Variants in DSCAML1 observed in about 807,000 individuals in gnomAD.
DSCAML1 encodes DS cell adhesion molecule like 1, also known as cell adhesion molecule DSCAML1.
A neutral mutation model predicts 200.5 loss-of-function variants in DSCAML1; 38 were observed. That is an observed-to-expected ratio of 0.19 (90% CI 0.15 to 0.25). DSCAML1 has a LOEUF of 0.25. Ranked by LOEUF, DSCAML1 falls within the 10% of genes least tolerant of loss-of-function variation. DSCAML1 has a pLI of 1.00. For missense variants in DSCAML1, 2,223 were observed against 2,858.8 expected, an observed-to-expected ratio of 0.78 and a Z score of 5.07; for synonymous variants, 1,215 against 1,165.0, an observed-to-expected ratio of 1.04 and a Z score of -0.87.
chr11:117,552,447 C>T (rs1256487156), intron 3 of DSCAML1, among the ~76,000 whole-genome samples: 6 of 152,066 alleles, frequency 3.9e-5, no homozygotes, highest in Non-Finnish European at 5.9e-5. Context: ...CCCCTGCCCC[C>T]GAGATGAGCA....
At chr11:117,700,165 C>T (rs548978759) in intron 3 of DSCAML1, among the ~76,000 whole-genome samples, 75 of 152,154 alleles carry the variant, frequency 4.9e-4, no homozygotes, top group Non-Finnish European at 9.0e-4. Flanking sequence ...TGGCGACTGC[C>T]CAGTAGATGT....
intron 3 of DSCAML1, among the ~76,000 whole-genome samples, chr11:117,646,587 A>G (rs1565848502): frequency 6.6e-6 from 1 of 152,182 alleles, no homozygotes; most frequent in Non-Finnish European, 1.5e-5. Context: ...TAACAGATTA[A>G]TGAGTGTGTG....
intron 3 of DSCAML1, among the ~76,000 whole-genome samples, chr11:117,757,573 TACACACACAC>T (rs5795104): frequency 0.53 from 77,737 of 146,686 alleles, 22,490 homozygotes; most frequent in East Asian, 0.73. Context: ...TAGGAGCCTA[TACACACACAC>T]ACACACACAC....
At chr11:117,539,760 T>G (rs1352061291) in intron 3 of DSCAML1, among the ~76,000 whole-genome samples, 1 of 152,138 alleles carries the variant, frequency 6.6e-6, no homozygotes, top group Non-Finnish European at 1.5e-5. Context: ...TACGATCCAG[T>G]GATTCTACTT....
chr11:117,484,885 CAGTGTGTGTGTGTG>C (rs1170401849), intron 11 of DSCAML1, among the ~76,000 whole-genome samples: 2 of 107,786 alleles, frequency 1.9e-5, no homozygotes, highest in African/African-American at 3.5e-5. Context: ...AGCAGAGGAA[CAGTGTGTGTGTGTG>C]TGTGTGTGTG....
chr11:117,518,594 A>G lies in DSCAML1; in HGVS notation c.1382T>C (p.Met461Thr), dbSNP rs1592690702. 4 of 1,614,008 alleles carry G rather than the reference A, an allele frequency of 2.5e-6. No individual in the cohort carries two copies. The highest frequency in any genetic ancestry group is 2.7e-5 in the African/African-American group (2 of 75,052). ...GTGGCTGATGGTGGTGCCGTCCGAC[A>G]TGGTGTACTGGTTGGTGCGGTGGCT... ...DGSHRTNQYT[M>T]SDGTTISHMN... Residue 461 changes from methionine to threonine, a missense_variant, in exon 7 of 33, where the codon ATG becomes ACG. This residue lies in a region of DSCAML1 where 579 missense variants were observed against 721.5 expected (regional missense o/e 0.80). Transcript: ENST00000651296. The surrounding 1 kb of genome is among the most constrained non-coding windows in gnomAD (Gnocchi z 6.3).
At chr11:117,551,698 A>AG (rs1472612604) in intron 3 of DSCAML1, among the ~76,000 whole-genome samples, 2 of 152,104 alleles carry the variant, frequency 1.3e-5, no homozygotes, top group Admixed American at 6.5e-5. Context: ...AGTTGGGGAA[A>AG]GGGGGTCTGG....
At chr11:117,521,531 A>G in intron 5 of DSCAML1, 126 bp from the exon 6 acceptor site, 1 of 969,684 alleles carries the variant, frequency 1.0e-6, no homozygotes, top group Non-Finnish European at 1.5e-6. Flanking sequence ...CTGCCTCCAG[A>G]CCCCTTGTGT....
At chr11:117,433,086 C>A (rs2047835821) in intron 29 of DSCAML1, 52 bp downstream of exon 29, 2 of 1,524,424 alleles carry the variant, frequency 1.3e-6, no homozygotes, top group Admixed American at 3.4e-5. Context: ...TGGGTTGTAG[C>A]CTGGGGAAGC....
At chr11:117,658,071 C>T (rs1445207322) in intron 3 of DSCAML1, among the ~76,000 whole-genome samples, 1 of 152,124 alleles carries the variant, frequency 6.6e-6, no homozygotes, top group Admixed American at 6.5e-5. Flanking sequence ...AATGGCTTTT[C>T]CACCGTGCAA....
chr11:117,580,821 C>A (rs684973), intron 3 of DSCAML1, among the ~76,000 whole-genome samples: 10 of 151,956 alleles, frequency 6.6e-5, no homozygotes, highest in African/African-American at 2.4e-4. Flanking sequence ...AAGCACCTAG[C>A]TAAGTGCTGA....
chr11:117,443,650 C>T (rs777490325), intron 21 of DSCAML1, among the ~76,000 whole-genome samples: 14 of 152,316 alleles, frequency 9.2e-5, no homozygotes, highest in Admixed American at 4.6e-4. Flanking sequence ...CTGAGTGCAC[C>T]CTGTCCACCC....
intron 3 of DSCAML1, among the ~76,000 whole-genome samples, chr11:117,556,352 T>C (rs2137403336): frequency 6.6e-6 from 1 of 152,208 alleles, no homozygotes; most frequent in South Asian, 2.1e-4. Context: ...CTCTAGCTCA[T>C]CTGATGGGCC....
At chr11:117,697,585 T>G (rs993347179) in intron 3 of DSCAML1, among the ~76,000 whole-genome samples, 10 of 152,096 alleles carry the variant, frequency 6.6e-5, no homozygotes, top group Admixed American at 6.5e-4. Context: ...CATTAAACAC[T>G]AACCCCCCAT....
At chr11:117,541,247 ACT>A (rs1311866924) in intron 3 of DSCAML1, among the ~76,000 whole-genome samples, 3 of 151,974 alleles carry the variant, frequency 2.0e-5, no homozygotes, top group African/African-American at 4.8e-5. Flanking sequence ...TTGTCTGACC[ACT>A]CTCTAAAAAT....
At chr11:117,527,783 G>A (rs2050004018) in intron 4 of DSCAML1, among the ~76,000 whole-genome samples, 1 of 152,206 alleles carries the variant, frequency 6.6e-6, no homozygotes, top group African/African-American at 2.4e-5. Flanking sequence ...CAATTGCCCT[G>A]GAGAGGGGTT....
At chr11:117,429,067 T>A (rs1033587811) in intron 32 of DSCAML1, among the ~76,000 whole-genome samples, 1 of 152,210 alleles carries the variant, frequency 6.6e-6, no homozygotes, top group African/African-American at 2.4e-5. Flanking sequence ...TAAAGTGCTT[T>A]GCTACAGTGG....
chr11:117,516,563 C>A lies in DSCAML1; in HGVS notation c.1687G>T (p.Asp563Tyr). 1.2e-6 allele frequency: 2 copies of A among 1,614,072 alleles called. No homozygotes were observed. Among genetic ancestry groups the A allele is most frequent in the Non-Finnish European group, 1.7e-6 (2 of 1,180,028 alleles). The part of the protein sequence containing the change: ...VFENGTLKLT[D>Y]VQKGMDEGEY... ...CCCTCATCCATGCCCTTCTGCACGTCAGTCAGCTTGAGGGTCCCATTCTCA... is the reference window on the plus strand; with the variant it reads ...CCCTCATCCATGCCCTTCTGCACGTAAGTCAGCTTGAGGGTCCCATTCTCA... The change falls in exon 8 of 33, where the codon GAC (aspartate) becomes TAC (tyrosine). Residue 563 changes from aspartate (D) to tyrosine (Y), a missense_variant. By Grantham distance (160) the Asp-to-Tyr change is radical. This residue lies in a region of DSCAML1 where 212 missense variants were observed against 368.0 expected (regional missense o/e 0.58). Coordinates refer to ENST00000651296, the MANE Select transcript of DSCAML1 (RefSeq NM_020693.4). The surrounding 1 kb of genome is among the most constrained non-coding windows in gnomAD (Gnocchi z 5.7).
At chr11:117,742,707 C>T (rs1357222293) in intron 3 of DSCAML1, among the ~76,000 whole-genome samples, 1 of 152,176 alleles carries the variant, frequency 6.6e-6, no homozygotes, top group Non-Finnish European at 1.5e-5. Flanking sequence ...ACGCACACAG[C>T]ATTTGGACCA....
Sources: allele counts gnomAD v4.1 joint callset (sites outside exome capture counted in the v4.1 genomes callset), GRCh38; gene constraint gnomAD v4.1.1; regional missense constraint gnomAD v4.1.1; non-coding constraint Gnocchi (gnomAD v3.1); transcripts MANE v1.5; gene names NCBI Gene and HGNC (gene_info 2026-07-23, HGNC 2026-07-21).